Variants in PRDM15 observed in about 807,000 individuals in gnomAD.
PRDM15 encodes the protein PR domain zinc finger protein 15.
Under a neutral mutation model 128.6 loss-of-function variants are expected in PRDM15, and 64 were observed. The ratio of observed to expected loss-of-function variants is 0.50; its 90% confidence interval spans 0.41 to 0.61. The LOEUF (loss-of-function observed/expected upper bound fraction) is 0.61. Ranked by LOEUF, PRDM15 falls within the 20% of genes least tolerant of loss-of-function variation. PRDM15 has a pLI of 0.00. For missense variants in PRDM15, 1,242 were observed against 1,569.1 expected, an observed-to-expected ratio of 0.79 and a Z score of 3.52; for synonymous variants, 615 against 621.8, an observed-to-expected ratio of 0.99 and a Z score of 0.16.
chr21:41,858,446 G>A (rs910048593), intron 3 of PRDM15, among the ~76,000 whole-genome samples: 6 of 151,874 alleles, frequency 4.0e-5, no homozygotes, highest in Admixed American at 2.0e-4. Flanking sequence ...CGACAGAGGC[G>A]GACATGGGGT....
In PRDM15 at chr21:41,860,349, C is replaced by G. The variant is rs1387709919; in HGVS notation, c.15G>C (p.Gly5=). 1.9e-6 allele frequency: 3 copies of G among 1,613,968 alleles called. No individual in the cohort carries two copies. Among genetic ancestry groups the G allele is most frequent in the Non-Finnish European group, 2.5e-6 (3 of 1,179,846 alleles). MAED[G]SEEIMFIWCE... ...TACAGATGAACATGATCTCTTCGCT[C>G]CCATCTTCAGCCATCTCTGACACCT... The change falls in exon 2 of 24, where the codon GGG becomes GGC. Residue 5 remains glycine (G), a synonymous_variant. Transcript: ENST00000398548.
intron 1 of PRDM15, chr21:41,861,830 T>C: frequency 6.3e-7 from 1 of 1,582,668 alleles, no homozygotes; most frequent in Non-Finnish European, 8.7e-7. Context: ...GGAAAGAGAG[T>C]TCCAATTTGC....
In PRDM15 at chr21:41,832,033, C is replaced by T. The variant is rs73359672; in HGVS notation, c.1366+3404G>A. ...TTGATGGGCTCTGTCCGGATCCACACGACCGCATGGTATGTGTCCTTCACA... is the reference window on the plus strand; with the variant it reads ...TTGATGGGCTCTGTCCGGATCCACATGACCGCATGGTATGTGTCCTTCACA... On this transcript the variant is annotated intron_variant, in intron 11 of 23. Coordinates refer to ENST00000398548, the MANE Select transcript of PRDM15 (RefSeq NM_001040424.3). This position sits in a 1 kb window ranked among gnomAD's most constrained non-coding sequence, Gnocchi z 4.2. Among the ~76,000 whole-genome samples the T allele has an allele frequency of 0.022, 3,340 of 152,294 alleles. 116 individuals are homozygous for T. Among genetic ancestry groups the T allele is most frequent in the African/African-American group, 0.076 (3,153 of 41,542 alleles).
intron 1 of PRDM15, chr21:41,878,578 G>A: frequency 5.8e-6 from 3 of 521,310 alleles, no homozygotes; most frequent in South Asian, 5.6e-5. Context: ...CCCCGTCCCC[G>A]AACGGCCACC....
At chr21:41,807,780 T>C (rs141590304) in intron 21 of PRDM15, among the ~76,000 whole-genome samples, 1 of 152,268 alleles carries the variant, frequency 6.6e-6, no homozygotes. Flanking sequence ...GATAAAAGGC[T>C]GGAGAAACAA....
At chr21:41,861,541 C>A (rs181240699) in intron 1 of PRDM15, 26 of 1,567,464 alleles carry the variant, frequency 1.7e-5, no homozygotes, top group Admixed American at 1.4e-4. Flanking sequence ...TCTGCCCCCC[C>A]CCAATCCCCA....
intron 1 of PRDM15, chr21:41,870,765 G>A: frequency 6.6e-6 from 1 of 152,376 alleles, no homozygotes; most frequent in Non-Finnish European, 1.5e-5. Flanking sequence ...ACGTGCTCAA[G>A]AAGGATGGTC....
chr21:41,819,815 A>G, intron 17 of PRDM15, 114 bp from the exon 18 acceptor site: 1 of 1,390,074 alleles, frequency 7.2e-7, no homozygotes. Context: ...AAGCGCAGTA[A>G]CAGGGGTGGG....
intron 5 of PRDM15, among the ~76,000 whole-genome samples, chr21:41,847,844 A>G (rs1271579052): frequency 6.6e-6 from 1 of 152,262 alleles, no homozygotes; most frequent in African/African-American, 2.4e-5. Flanking sequence ...CCCTCAGTCC[A>G]TGCCACACAG....
Position 41,798,880 on chromosome 21 carries a change from A to C in PRDM15, c.*2360T>G, listed in dbSNP as rs941642903. On this transcript the variant is annotated 3_prime_UTR_variant, in exon 24 of 24. Coordinates refer to ENST00000398548, the MANE Select transcript of PRDM15 (RefSeq NM_001040424.3). ...TCTAGTTTCTTTGATGCAAATTTGT[A>C]GCAATTGCTTTAAGACAACCCATTT... 5.3e-5 allele frequency: 8 copies of C among 152,224 alleles called. No individual in the cohort carries two copies. The highest frequency in any genetic ancestry group is 1.9e-4 in the African/African-American group (8 of 41,448). 9.4% of individuals were successfully genotyped at this position (152,224 alleles called of 1,614,324 possible).
Position 41,859,813 on chromosome 21 carries a change from T to C in PRDM15, c.38-128A>G, listed in dbSNP as rs1201678076. Reference sequence around the variant, plus strand: ...TCATGAGACACATGCATGCCGACACTGCAAAGACAAGCAAGGGAGGGTGCA... The same window carrying C: ...TCATGAGACACATGCATGCCGACACCGCAAAGACAAGCAAGGGAGGGTGCA... On this transcript the variant is annotated intron_variant, in intron 2 of 23. Coordinates refer to ENST00000398548, the MANE Select transcript of PRDM15 (RefSeq NM_001040424.3). The surrounding 1 kb of genome is among the most constrained non-coding windows in gnomAD (Gnocchi z 5.3). 4.0e-6 allele frequency: 3 copies of C among 748,398 alleles called. No homozygotes were observed. In the African/African-American group the frequency reaches 5.3e-5, roughly 13 times the overall value. The allele number at this position is 748,398 out of a possible 1,614,324, so 46.4% of individuals were successfully genotyped here. A position where few individuals can be genotyped will look rare whatever the true frequency, so the allele number is the denominator to read the frequency against.
intron 11 of PRDM15, among the ~76,000 whole-genome samples, chr21:41,829,003 CCA>C (rs1266833578): frequency 3.5e-5 from 4 of 115,698 alleles, no homozygotes; most frequent in South Asian, 3.0e-4. Context: ...AAATACACAA[CCA>C]CACACACCAC....
chr21:41,823,094 ATG>A (rs1029945349), intron 14 of PRDM15: 2 of 584,920 alleles, frequency 3.4e-6, no homozygotes, highest in African/African-American at 3.7e-5. Context: ...CCCTTCTACC[ATG>A]TGAGGACACA....
intron 18 of PRDM15, among the ~76,000 whole-genome samples, chr21:41,818,480 G>C (rs545938009): frequency 6.6e-6 from 1 of 151,792 alleles, no homozygotes; most frequent in Non-Finnish European, 1.5e-5. Context: ...CCCATGTGCC[G>C]TCCTTGCGCA....
chr21:41,802,921 G>A lies in PRDM15; in HGVS notation c.2734C>T (p.Pro912Ser). Residue 912 changes from proline to serine, a missense_variant and splice_region_variant, in exon 23 of 24, where the codon CCT becomes TCT. This residue lies in a region of PRDM15 where 602 missense variants were observed against 788.3 expected (regional missense o/e 0.76). Transcript: ENST00000398548. The part of the protein sequence containing the change: ...IDASSIGIVQ[P>S]ELTLEQEDLA... Reference sequence around the variant, plus strand: ...TCCTCCTGCTCCAGAGTCAGCTCAGGCTGCAGAAAAATCGGTTTCAGCCGA... The same window carrying A: ...TCCTCCTGCTCCAGAGTCAGCTCAGACTGCAGAAAAATCGGTTTCAGCCGA... 6.2e-7 allele frequency: 1 copy of A among 1,613,692 alleles called. No individual in the cohort carries two copies.
At chr21:41,864,987 C>G (rs1213123369) in intron 1 of PRDM15, among the ~76,000 whole-genome samples, 2 of 151,380 alleles carry the variant, frequency 1.3e-5, no homozygotes, top group Non-Finnish European at 2.9e-5. Context: ...CTCTCCCCAG[C>G]CCTCTCTGCA....
chr21:41,836,629 TTA>T lies in PRDM15; in HGVS notation c.1020_1021del (p.Asn340LysfsTer56). The T allele has an allele frequency of 6.2e-7, 1 of 1,607,428 alleles. No homozygotes were observed. The stretch of plus-strand genomic sequence containing the variant: ...TAAGCTCCTCTTGAGCGTGATGGTG[TTA>T]TTCTGATGATGGGTGAACCTGCCCA... On this transcript the variant is annotated frameshift_variant, in exon 9 of 24. Coordinates refer to ENST00000398548, the MANE Select transcript of PRDM15 (RefSeq NM_001040424.3). LOFTEE classifies it high-confidence loss of function.
Position 41,819,632 on chromosome 21 carries a change from A to G in PRDM15, c.2210T>C (p.Met737Thr), listed in dbSNP as rs1392857221. The G allele has an allele frequency of 1.2e-6, 2 of 1,611,968 alleles. No homozygotes were observed. Among genetic ancestry groups the G allele is most frequent in the Non-Finnish European group, 8.5e-7 (1 of 1,179,508 alleles). The change falls in exon 18 of 24, where the codon ATG becomes ACG. Residue 737 changes from methionine to threonine, a missense_variant. Met to Thr is a moderately conservative substitution (Grantham distance 81). Around this residue, in one of 3 missense-constraint regions of PRDM15, gnomAD observed 602 missense variants for 788.3 expected, o/e 0.76. Transcript: ENST00000398548. The part of the protein sequence containing the change: ...FARKDMLKEH[M>T]RVHDNVREYL... ...CTCGCGGACATTGTCGTGCACACGC[A>G]TGTGCTCCTTCAGCATGTCCTTCCT...
Position 41,828,385 on chromosome 21 carries a change from A to G in PRDM15, c.1367-52T>C. On this transcript the variant is annotated intron_variant, in intron 11 of 23. Transcript: ENST00000398548. The surrounding 1 kb of genome is among the most constrained non-coding windows in gnomAD (Gnocchi z 5.7). Reference sequence around the variant, plus strand: ...ACGATTTTGAGGTAAATAACATCTCACGCAGGCACGCACGTGTGGCCTGAA... The same window carrying G: ...ACGATTTTGAGGTAAATAACATCTCGCGCAGGCACGCACGTGTGGCCTGAA... 1.3e-6 allele frequency: 2 copies of G among 1,590,164 alleles called. No individual in the cohort carries two copies. The highest frequency in any genetic ancestry group is 1.7e-6 in the Non-Finnish European group (2 of 1,161,202).
Sources: allele counts gnomAD v4.1 joint callset (sites outside exome capture counted in the v4.1 genomes callset), GRCh38; gene constraint gnomAD v4.1.1; regional missense constraint gnomAD v4.1.1; non-coding constraint Gnocchi (gnomAD v3.1); transcripts MANE v1.5; gene names NCBI Gene and HGNC (gene_info 2026-07-23, HGNC 2026-07-21).